NCKAP1: variants seen among roughly 807,000 people sequenced by gnomAD.
The protein encoded by NCKAP1 is NCK associated protein 1, also known as nck-associated protein 1.
Under a neutral mutation model 151.2 loss-of-function variants are expected in NCKAP1, and 21 were observed. The ratio of observed to expected loss-of-function variants is 0.14; its 90% CI spans 0.10 to 0.20. The LOEUF (loss-of-function observed/expected upper bound fraction) is 0.20, where lower values mean the gene tolerates loss of function less well. NCKAP1 is among the 10% of genes least tolerant of loss of function. The pLI is 1.00. For synonymous variants in NCKAP1, 484 were observed against 451.8 expected (o/e 1.07, Z -0.90); for missense variants, 933 against 1,352.1 (o/e 0.69, Z 4.86).
chr2:182,969,706 A>G (rs1697646928), intron 15 of NCKAP1, among the ~76,000 whole-genome samples: 2 of 152,096 alleles, frequency 1.3e-5, no homozygotes, highest in South Asian at 4.1e-4. Flanking sequence ...AGAAAGACCA[A>G]ATAACCTAAT....
At position 182,914,484 on chromosome 2, in the gene NCKAP1, T is replaced by A; in HGVS notation, c.*11218A>T. ...AAAACTAACTCAGCATATCAAGCTT[T>A]AAAAAACCAATTAAAAAATTAAAAG... On this transcript the variant is annotated 3_prime_UTR_variant, in exon 31 of 31. Transcript: ENST00000361354. 1 of 28,892 alleles carries A rather than the reference T, an allele frequency of 3.5e-5. No individual in the cohort carries two copies. Among genetic ancestry groups the A allele is most frequent in the South Asian group, 1.9e-3 (1 of 534 alleles). The allele number at this position is 28,892 out of a possible 1,614,324, so 1.8% of individuals were successfully genotyped here.
chr2:182,994,658 GA>G (rs1220880145), intron 8 of NCKAP1, among the ~76,000 whole-genome samples, 180 bp downstream of exon 8: 1 of 146,114 alleles, frequency 6.8e-6, no homozygotes, highest in South Asian at 2.1e-4. Context: ...AGAAAAAAAA[GA>G]AAAAAAACCC....
At position 182,919,660 on chromosome 2, in the gene NCKAP1, T is replaced by C. The variant is rs1425609616; in HGVS notation, c.*6042A>G. 1 of 151,792 alleles carries C rather than the reference T, an allele frequency of 6.6e-6. No homozygotes were observed. Among genetic ancestry groups the C allele is most frequent in the Non-Finnish European group, 1.5e-5 (1 of 67,926 alleles). The allele number at this position is 151,792 out of a possible 1,614,324, so 9.4% of individuals were successfully genotyped here. A position where few individuals can be genotyped will look rare whatever the true frequency, so the allele number is the denominator to read the frequency against. The stretch of plus-strand genomic sequence containing the variant: ...TTTTTTTTTAATGTATTATAATTTT[T>C]TTTTTTTTTGAGACAGAGTCTTGTT... On this transcript the variant is annotated 3_prime_UTR_variant, in exon 31 of 31. Coordinates refer to ENST00000361354, the MANE Select transcript of NCKAP1 (RefSeq NM_013436.5).
chr2:183,033,593 C>T (rs930981908), intron 1 of NCKAP1, among the ~76,000 whole-genome samples: 7 of 152,050 alleles, frequency 4.6e-5, no homozygotes, highest in South Asian at 2.1e-4. Context: ...ATTCAATAAA[C>T]GAAGAGTAAA....
At chr2:183,007,949 G>A (rs545431311) in intron 2 of NCKAP1, among the ~76,000 whole-genome samples, 1 of 151,620 alleles carries the variant, frequency 6.6e-6, no homozygotes, top group Non-Finnish European at 1.5e-5. Context: ...TTTTTGAGAC[G>A]GAGTTTGGCT....
Position 182,925,774 on chromosome 2 carries a change from A to G in NCKAP1, c.3315T>C (p.Ser1105=). Residue 1105 remains serine, a synonymous_variant, in exon 31 of 31, where the codon TCT becomes TCC. Coordinates refer to ENST00000361354, the MANE Select transcript of NCKAP1 (RefSeq NM_013436.5). ...TTCTCAGCAAGACATAAGGAAAACA[A>G]GATTCCAAAAGATCCATTGTAAGGA... ...SPFLTMDLLE[S]CFPYVLLRNA... is the part of the protein sequence containing the mutation. 1 of 1,591,514 alleles carries G rather than the reference A, an allele frequency of 6.3e-7. No individual in the cohort carries two copies.
chr2:182,957,638 C>G (rs991844541), intron 18 of NCKAP1, 42 bp from the exon 19 acceptor site: 10 of 1,590,132 alleles, frequency 6.3e-6, no homozygotes, highest in Non-Finnish European at 8.6e-6. Context: ...ACACCAATTA[C>G]TCTGAAAGCA....
At chr2:182,932,610 T>C (rs1482937975) in intron 26 of NCKAP1, among the ~76,000 whole-genome samples, 3 of 152,076 alleles carry the variant, frequency 2.0e-5, no homozygotes, top group Non-Finnish European at 4.4e-5. Flanking sequence ...AATTTTCTGA[T>C]AGGTGCGTTA....
At chr2:182,930,092 A>T (rs1182437784) in intron 27 of NCKAP1, among the ~76,000 whole-genome samples, 1 of 151,844 alleles carries the variant, frequency 6.6e-6, no homozygotes. Context: ...CCTTCTCTTG[A>T]CTTTGCTCTT....
intron 16 of NCKAP1, among the ~76,000 whole-genome samples, chr2:182,966,714 G>A (rs1333237353): frequency 6.6e-6 from 1 of 152,184 alleles, no homozygotes; most frequent in Non-Finnish European, 1.5e-5. Context: ...CTGGGAGGAA[G>A]AGAGGGAAGA....
At chr2:183,002,489 C>G (rs994853168) in intron 4 of NCKAP1, among the ~76,000 whole-genome samples, 4 of 152,136 alleles carry the variant, frequency 2.6e-5, no homozygotes, top group African/African-American at 9.6e-5. Flanking sequence ...AGAAAAAGAG[C>G]TTGTGATCAC....
At chr2:182,988,980 T>A in intron 9 of NCKAP1, 50 bp downstream of exon 9, 1 of 1,522,292 alleles carries the variant, frequency 6.6e-7, no homozygotes, top group African/African-American at 1.4e-5. Context: ...TAAAGATAAC[T>A]CACTCACCAC....
rs892194325 is a variant in NCKAP1 at position 182,919,094 on chromosome 2, TTAGAGAAAAC to T, written c.*6598_*6607del. ...AAAGAGCAATATTTAGAGGTTTGAA[TTAGAGAAAAC>T]AGAGTATCTGGTACACAATGGGCTT... On this transcript the variant is annotated 3_prime_UTR_variant, in exon 31 of 31. Coordinates refer to ENST00000361354, the MANE Select transcript of NCKAP1 (RefSeq NM_013436.5). The T allele has an allele frequency of 6.6e-6, 1 of 152,234 alleles. No homozygotes were observed. Among genetic ancestry groups the T allele is most frequent in the Admixed American group, 6.5e-5 (1 of 15,288 alleles). 9.4% of individuals were successfully genotyped at this position (152,234 alleles called of 1,614,324 possible).
chr2:182,979,602 T>G (rs559060990), intron 13 of NCKAP1, among the ~76,000 whole-genome samples: 14 of 152,118 alleles, frequency 9.2e-5, no homozygotes, highest in Non-Finnish European at 1.6e-4. Context: ...ATGGTAAATT[T>G]TGTTACATAT....
At chr2:183,020,204 T>G (rs560173401) in intron 2 of NCKAP1, among the ~76,000 whole-genome samples, 107 of 152,158 alleles carry the variant, frequency 7.0e-4, no homozygotes, top group Non-Finnish European at 1.4e-3. Flanking sequence ...GACTCAAGCC[T>G]GTAATCCCAG....
At chr2:183,003,546 T>C (rs1575059463) in intron 2 of NCKAP1, among the ~76,000 whole-genome samples, 1 of 152,136 alleles carries the variant, frequency 6.6e-6, no homozygotes, top group East Asian at 1.9e-4. Flanking sequence ...AGCATATTAG[T>C]ACCAAATTGC....
chr2:183,036,833 C>T (rs1451697183), intron 1 of NCKAP1, among the ~76,000 whole-genome samples: 3 of 138,022 alleles, frequency 2.2e-5, no homozygotes, highest in African/African-American at 9.3e-5. Context: ...AAAAAAAAAA[C>T]CTTTCTTCAG....
chr2:182,933,024 A>C (rs1441479584), intron 26 of NCKAP1, among the ~76,000 whole-genome samples: 2 of 152,230 alleles, frequency 1.3e-5, no homozygotes, highest in African/African-American at 4.8e-5. Flanking sequence ...AAATATAAGT[A>C]GAAAAATAGA....
chr2:182,959,767 G>T (rs866954640), intron 18 of NCKAP1, among the ~76,000 whole-genome samples: 1 of 152,132 alleles, frequency 6.6e-6, no homozygotes, highest in East Asian at 1.9e-4. Context: ...GAAATAAAGC[G>T]CATTCAATTA....
Sources: gnomAD v4.1 joint callset for allele counts (sites outside exome capture counted in the v4.1 genomes callset) on GRCh38, gnomAD v4.1.1 for gene constraint, MANE v1.5 for transcripts, NCBI Gene and HGNC (gene_info 2026-07-23, HGNC 2026-07-21) for gene names.